Variants in MTUS2 observed in about 807,000 individuals in gnomAD.
The protein encoded by MTUS2 is microtubule associated scaffold protein 2, also known as microtubule-associated tumor suppressor candidate 2.
In MTUS2, 40 loss-of-function variants were observed where a neutral mutation model predicts 114.1. The ratio of observed to expected loss-of-function variants is 0.35; its 90% CI spans 0.27 to 0.46. MTUS2 has a LOEUF of 0.46. Ranked by LOEUF, MTUS2 falls within the 20% of genes least tolerant of loss-of-function variation. The pLI, the probability that MTUS2 is intolerant of heterozygous loss-of-function variation, is 1.00. For missense variants in MTUS2, 1,679 were observed against 1,705.4 expected (o/e 0.98, Z 0.27); for synonymous variants, 688 against 672.0 (o/e 1.02, Z -0.37).
At chr13:29,380,154 C>T (rs1872091049) in intron 8 of MTUS2, among the ~76,000 whole-genome samples, 1 of 152,162 alleles carries the variant, frequency 6.6e-6, no homozygotes. Context: ...CTGTTCCACA[C>T]TGCTTCTCAC....
chr13:29,498,889 G>T (rs1018386675), intron 14 of MTUS2, among the ~76,000 whole-genome samples: 5 of 152,166 alleles, frequency 3.3e-5, no homozygotes. Flanking sequence ...CACTTTCCCC[G>T]AGCCTGCGCC....
intron 6 of MTUS2, among the ~76,000 whole-genome samples, chr13:29,318,918 C>A (rs1196325909): frequency 6.6e-6 from 1 of 152,178 alleles, no homozygotes; most frequent in Non-Finnish European, 1.5e-5. Flanking sequence ...TGAATATAAT[C>A]AGTGCCAGTA....
chr13:29,083,577 T>C (rs1889539924), intron 4 of MTUS2, among the ~76,000 whole-genome samples: 1 of 152,220 alleles, frequency 6.6e-6, no homozygotes, highest in African/African-American at 2.4e-5. Flanking sequence ...TTCAATAATA[T>C]AATGTCTGGG....
At chr13:28,859,450 G>A (rs1407852818) in intron 2 of MTUS2, among the ~76,000 whole-genome samples, 1 of 152,178 alleles carries the variant, frequency 6.6e-6, no homozygotes, top group East Asian at 1.9e-4. Flanking sequence ...CCATTCGTAA[G>A]CTGGCCCTAT....
chr13:29,187,681 A>C (rs1894282387), intron 5 of MTUS2, among the ~76,000 whole-genome samples: 1 of 152,154 alleles, frequency 6.6e-6, no homozygotes, highest in Non-Finnish European at 1.5e-5. Context: ...ATTTTTCCTT[A>C]TTTCCTACCA....
At chr13:29,249,544 A>G (rs1897050742) in intron 5 of MTUS2, among the ~76,000 whole-genome samples, 1 of 152,042 alleles carries the variant, frequency 6.6e-6, no homozygotes. Context: ...TTTGATTTGC[A>G]TTTCTGTAAT....
In MTUS2 at chr13:28,838,935, T is replaced by A. The variant is rs1182992965; in HGVS notation, c.-315-843T>A. 2.6e-5 allele frequency among the ~76,000 whole-genome samples: 4 copies of A among 152,164 alleles called. No individual in the cohort carries two copies. The East Asian group carries it at 7.7e-4, about 29-fold the overall frequency. Reference sequence around the variant, plus strand: ...AAACCATTGTTGCTCAGAAAAATGATGTATGTTGAGCAATAGGTAGTTTAG... The same window carrying A: ...AAACCATTGTTGCTCAGAAAAATGAAGTATGTTGAGCAATAGGTAGTTTAG... On this transcript the variant is annotated intron_variant, in intron 1 of 15. Transcript: ENST00000612955.
At chr13:29,207,502 A>G (rs891734947) in intron 5 of MTUS2, among the ~76,000 whole-genome samples, 1 of 152,190 alleles carries the variant, frequency 6.6e-6, no homozygotes, top group African/African-American at 2.4e-5. Context: ...GACTGGTTCC[A>G]GTTCTCAGAG....
intron 5 of MTUS2, among the ~76,000 whole-genome samples, chr13:29,195,383 T>G (rs1432631040): frequency 2.6e-5 from 4 of 151,874 alleles, no homozygotes; most frequent in Non-Finnish European, 5.9e-5. Context: ...TTTAACATTT[T>G]GGTATATTTT....
intron 2 of MTUS2, among the ~76,000 whole-genome samples, chr13:28,845,197 G>T (rs985278126): frequency 6.6e-6 from 1 of 151,954 alleles, no homozygotes; most frequent in Non-Finnish European, 1.5e-5. Context: ...CCATCCTTCT[G>T]CCTCCGCCTC....
At chr13:29,139,994 G>C (rs753491364) in intron 5 of MTUS2, among the ~76,000 whole-genome samples, 7 of 152,112 alleles carry the variant, frequency 4.6e-5, no homozygotes, top group African/African-American at 7.2e-5. Flanking sequence ...ATCGAAACAC[G>C]AGGTTGTCTT....
At chr13:29,105,739 C>T (rs773773630) in intron 5 of MTUS2, among the ~76,000 whole-genome samples, 10 of 148,966 alleles carry the variant, frequency 6.7e-5, no homozygotes, top group African/African-American at 7.4e-5. Context: ...GGCTGACGTT[C>T]GCATAAATAA....
intron 2 of MTUS2, among the ~76,000 whole-genome samples, chr13:28,994,024 G>A (rs1017138801): frequency 2.0e-5 from 3 of 152,008 alleles, no homozygotes; most frequent in African/African-American, 4.8e-5. Context: ...TTAGCATTAG[G>A]TGTATCTCCT....
At chr13:29,195,868 T>C (rs1282216662) in intron 5 of MTUS2, among the ~76,000 whole-genome samples, 1 of 152,066 alleles carries the variant, frequency 6.6e-6, no homozygotes, top group African/African-American at 2.4e-5. Context: ...AACTGGAAAA[T>C]GAGGCTATAT....
chr13:29,117,224 G>A (rs370156177), intron 5 of MTUS2, among the ~76,000 whole-genome samples: 31 of 152,290 alleles, frequency 2.0e-4, no homozygotes, highest in African/African-American at 7.2e-4. Flanking sequence ...CTGAGGTTAA[G>A]ATGGATGGGC....
At chr13:28,949,975 G>A (rs922802817) in intron 2 of MTUS2, among the ~76,000 whole-genome samples, 13 of 152,282 alleles carry the variant, frequency 8.5e-5, no homozygotes, top group African/African-American at 2.9e-4. Flanking sequence ...CAACCCAGAA[G>A]GGGAATTTCT....
At chr13:29,451,178 C>T (rs1287021364) in intron 9 of MTUS2, among the ~76,000 whole-genome samples, 2 of 152,118 alleles carry the variant, frequency 1.3e-5, no homozygotes, top group African/African-American at 2.4e-5. Context: ...GCAACACAGA[C>T]CATATTCTGA....
chr13:29,451,951 A>G (rs1172444122), intron 9 of MTUS2, among the ~76,000 whole-genome samples: 2 of 152,226 alleles, frequency 1.3e-5, no homozygotes, highest in Admixed American at 6.5e-5. Flanking sequence ...TCCTTGCACA[A>G]TGGACCACTC....
At chr13:29,181,102 G>T (rs992269150) in intron 5 of MTUS2, among the ~76,000 whole-genome samples, 5 of 152,018 alleles carry the variant, frequency 3.3e-5, no homozygotes, top group Non-Finnish European at 5.9e-5. Context: ...AAGCCTTGGC[G>T]AATGAGCGTC....
Sources: gnomAD v4.1 joint callset for allele counts (sites outside exome capture counted in the v4.1 genomes callset) on GRCh38, gnomAD v4.1.1 for gene constraint, MANE v1.5 for transcripts, NCBI Gene and HGNC (gene_info 2026-07-23, HGNC 2026-07-21) for gene names.